TRIQK: variants seen among roughly 807,000 people sequenced by gnomAD.
TRIQK encodes the protein triple QxxK/R motif containing.
TRIQK carries 10 observed loss-of-function variants against 10.8 expected under a neutral mutation model. That is an observed-to-expected ratio of 0.92 (90% CI 0.57 to 1.57). The LOEUF (loss-of-function observed/expected upper bound fraction) is 1.57, where lower values mean the gene tolerates loss of function less well. Ranked by LOEUF, TRIQK falls within the 40% of genes most tolerant of loss-of-function variation. The pLI, the probability that TRIQK is intolerant of heterozygous loss-of-function variation, is 0.00. For missense variants in TRIQK, 107 were observed against 97.7 expected (o/e 1.09, Z -0.40); for synonymous variants, 33 against 33.7 (o/e 0.98, Z 0.07).
chr8:93,011,409 TAGAAAATA>T (rs1303365032), intron 1 of TRIQK, among the ~76,000 whole-genome samples: 2 of 152,240 alleles, frequency 1.3e-5, no homozygotes, highest in African/African-American at 4.8e-5. Context: ...AACTCACAAG[TAGAAAATA>T]ATTTCTTCAG....
chr8:93,016,851 G>A (rs1042109379), intron 1 of TRIQK, among the ~76,000 whole-genome samples: 1 of 152,038 alleles, frequency 6.6e-6, no homozygotes, highest in African/African-American at 2.4e-5. Context: ...AAAGATGTAA[G>A]GCTAGCAAAA....
chr8:92,915,178 G>A (rs1371296671), intron 3 of TRIQK, among the ~76,000 whole-genome samples: 2 of 152,134 alleles, frequency 1.3e-5, no homozygotes, highest in East Asian at 3.9e-4. Flanking sequence ...TGTAGAAAAG[G>A]AGAGTGGAAT....
chr8:93,001,451 T>C (rs973081323), intron 1 of TRIQK, among the ~76,000 whole-genome samples: 5 of 151,894 alleles, frequency 3.3e-5, no homozygotes, highest in African/African-American at 4.8e-5. Flanking sequence ...AGATATTCGA[T>C]GCAAATAGAA....
intron 1 of TRIQK, among the ~76,000 whole-genome samples, chr8:92,962,997 G>C (rs902978494): frequency 6.6e-6 from 1 of 152,148 alleles, no homozygotes; most frequent in Admixed American, 6.5e-5. Context: ...GATATGGCAG[G>C]CGCCACATGT....
chr8:92,954,961 A>T (rs964761724), intron 1 of TRIQK, among the ~76,000 whole-genome samples: 3 of 151,934 alleles, frequency 2.0e-5, no homozygotes, highest in African/African-American at 7.2e-5. Context: ...CACAAGGTTG[A>T]CTTTAAAAAC....
intron 1 of TRIQK, among the ~76,000 whole-genome samples, chr8:93,012,481 A>G (rs1437618047): frequency 6.6e-6 from 1 of 152,192 alleles, no homozygotes; most frequent in Non-Finnish European, 1.5e-5. Context: ...TTATGAATAT[A>G]TGGTGTCAAA....
intron 1 of TRIQK, among the ~76,000 whole-genome samples, chr8:92,959,480 T>TACACACACACAC (rs34816958): frequency 1.2e-3 from 173 of 143,734 alleles, no homozygotes; most frequent in Non-Finnish European, 2.2e-3. Context: ...TATATATGCA[T>TACACACACACAC]ACACACACAC....
At chr8:92,919,612 T>C (rs1008155330) in intron 2 of TRIQK, among the ~76,000 whole-genome samples, 4 of 151,892 alleles carry the variant, frequency 2.6e-5, no homozygotes, top group African/African-American at 9.7e-5. Context: ...TTTTTTATTG[T>C]GTTCTTGTCT....
chr8:92,982,127 A>T (rs1812992795), intron 1 of TRIQK, among the ~76,000 whole-genome samples: 1 of 151,852 alleles, frequency 6.6e-6, no homozygotes, highest in Admixed American at 6.6e-5. Context: ...AATATTTAAA[A>T]TTATCAATAA....
At position 92,929,934 on chromosome 8, in the gene TRIQK, C is replaced by T. The variant is rs183716293; in HGVS notation, c.-21-12924G>A. Among the ~76,000 whole-genome samples, 235 of 151,952 alleles carry T rather than the reference C, an allele frequency of 1.5e-3. 1 individual carries two copies. The highest frequency in any genetic ancestry group is 5.2e-3 in the African/African-American group (215 of 41,424). On this transcript the variant is annotated intron_variant, in intron 2 of 4. Coordinates refer to ENST00000521988, the MANE Select transcript of TRIQK (RefSeq NM_001171797.2). ...GTAGTCAAACTAAAAAGTAATTAAT[C>T]GCATAAATTACACTATCCTTTAAAT...
At chr8:92,986,681 C>T (rs925936524) in intron 1 of TRIQK, among the ~76,000 whole-genome samples, 1 of 152,064 alleles carries the variant, frequency 6.6e-6, no homozygotes, top group Non-Finnish European at 1.5e-5. Context: ...TTTAGTTCTA[C>T]TTTCTTATTT....
chr8:92,957,186 C>A (rs1455806461), intron 1 of TRIQK, among the ~76,000 whole-genome samples: 4 of 151,784 alleles, frequency 2.6e-5, no homozygotes, highest in Admixed American at 1.3e-4. Flanking sequence ...GACTCTACCT[C>A]TGTAAAATGG....
chr8:92,963,589 G>A (rs1257077264), intron 1 of TRIQK: 1 of 152,040 alleles, frequency 6.6e-6, no homozygotes, highest in Non-Finnish European at 1.5e-5. Context: ...TGGATTTAAT[G>A]TTCATCTCAA....
In TRIQK at chr8:92,985,463, T is replaced by C. The variant is rs1015233960; in HGVS notation, c.-180-30899A>G. Among the ~76,000 whole-genome samples, 4 of 152,294 alleles carry C rather than the reference T, an allele frequency of 2.6e-5. No homozygotes were observed. In the East Asian group the frequency reaches 7.7e-4, roughly 29 times the overall value. ...TCATATACTATGGTGTAGGTGAAAT[T>C]AATGAACATATCTATTCCTGGTACA... On this transcript the variant is annotated intron_variant, in intron 1 of 4. Transcript: ENST00000520686.
At chr8:93,010,073 T>C (rs1480306297) in intron 1 of TRIQK, among the ~76,000 whole-genome samples, 1 of 152,124 alleles carries the variant, frequency 6.6e-6, no homozygotes, top group African/African-American at 2.4e-5. Context: ...AAAGTTGATC[T>C]TGTGGAGAGT....
At chr8:92,951,636 A>G (rs957279712) in intron 2 of TRIQK, among the ~76,000 whole-genome samples, 1 of 152,138 alleles carries the variant, frequency 6.6e-6, no homozygotes, top group East Asian at 1.9e-4. Flanking sequence ...AGCTTCTCAC[A>G]GTAAATACTT....
intron 3 of TRIQK, among the ~76,000 whole-genome samples, chr8:92,896,486 G>T (rs1808605187): frequency 6.6e-6 from 1 of 152,126 alleles, no homozygotes; most frequent in Non-Finnish European, 1.5e-5. Flanking sequence ...AGAGACTCAA[G>T]AATTATAGAG....
At chr8:92,945,605 G>A (rs137987319) in intron 2 of TRIQK, among the ~76,000 whole-genome samples, 3 of 152,258 alleles carry the variant, frequency 2.0e-5, no homozygotes, top group Admixed American at 6.5e-5. Context: ...GTGTTTGCTC[G>A]TGCAGCTGTG....
rs183615295 is a variant in TRIQK at position 92,901,289 on chromosome 8, C to T, written c.62-9215G>A. On this transcript the variant is annotated intron_variant, in intron 3 of 4. Transcript: ENST00000521988. The stretch of plus-strand genomic sequence containing the variant: ...TGACTTCCAGTACCATGTTGAATAA[C>T]GGGGGTGGAAAGTGAGCAGTCTTGT... Among the ~76,000 whole-genome samples the T allele has an allele frequency of 9.7e-4, 148 of 152,126 alleles. 1 individual carries two copies. Among genetic ancestry groups the T allele is most frequent in the African/African-American group, 1.9e-3 (77 of 41,532 alleles).
Sources: gnomAD v4.1 joint callset for allele counts (sites outside exome capture counted in the v4.1 genomes callset) on GRCh38, gnomAD v4.1.1 for gene constraint, MANE v1.5 for transcripts, NCBI Gene and HGNC (gene_info 2026-07-23, HGNC 2026-07-21) for gene names.